Variants in PRDM16 observed in about 807,000 individuals in gnomAD.
PRDM16 encodes PR/SET domain 16.
A neutral mutation model predicts 110.6 loss-of-function variants in PRDM16; 23 were observed. The ratio of observed to expected loss-of-function variants is 0.21; its 90% CI spans 0.15 to 0.29. PRDM16 has a LOEUF of 0.29. Ranked by LOEUF, PRDM16 falls within the 10% of genes least tolerant of loss-of-function variation. The pLI, the probability that PRDM16 is intolerant of heterozygous loss-of-function variation, is 1.00. For synonymous variants in PRDM16, 799 were observed against 781.8 expected, an observed-to-expected ratio of 1.02 and a Z score of -0.37; for missense variants, 1,615 against 1,794.3, an observed-to-expected ratio of 0.90 and a Z score of 1.81.
rs368644287 is a variant in PRDM16 at position 3,357,225 on chromosome 1, G to A, written c.439-27927G>A. Among the ~76,000 whole-genome samples, 392 of 152,188 alleles carry A rather than the reference G, an allele frequency of 2.6e-3. 1 individual carries two copies. Among genetic ancestry groups the A allele is most frequent in the African/African-American group, 8.0e-3 (331 of 41,528 alleles). On this transcript the variant is annotated intron_variant, in intron 3 of 16. Transcript: ENST00000270722. Reference sequence around the variant, plus strand: ...CTGGCTCTTGGCCCCCAGGGTCTGCGTGCCTCCACCTGGGCCATGAACGGG... The same window carrying A: ...CTGGCTCTTGGCCCCCAGGGTCTGCATGCCTCCACCTGGGCCATGAACGGG...
intron 1 of PRDM16, among the ~76,000 whole-genome samples, chr1:3,098,968 G>T (rs1642470650): frequency 6.6e-6 from 1 of 152,228 alleles, no homozygotes; most frequent in Non-Finnish European, 1.5e-5. Context: ...CGGCCTCACT[G>T]AGGAGGGCGA....
At chr1:3,179,593 A>C (rs1456169631) in intron 1 of PRDM16, among the ~76,000 whole-genome samples, 1 of 152,216 alleles carries the variant, frequency 6.6e-6, no homozygotes, top group East Asian at 1.9e-4. Context: ...ATCAGGCAGC[A>C]TGAGGGAGAG....
At chr1:3,406,236 G>A (rs1402595565) in intron 8 of PRDM16, among the ~76,000 whole-genome samples, 1 of 152,124 alleles carries the variant, frequency 6.6e-6, no homozygotes, top group East Asian at 1.9e-4. Context: ...CACAGCTCTG[G>A]GTGCAGCGGT....
intron 3 of PRDM16, among the ~76,000 whole-genome samples, chr1:3,362,825 G>C (rs954666484): frequency 6.6e-6 from 1 of 152,128 alleles, no homozygotes; most frequent in Non-Finnish European, 1.5e-5. Flanking sequence ...AGGGAGCGTC[G>C]GGGAGCCATA....
At chr1:3,144,367 C>T (rs1643606440) in intron 1 of PRDM16, among the ~76,000 whole-genome samples, 1 of 152,220 alleles carries the variant, frequency 6.6e-6, no homozygotes, top group Admixed American at 6.5e-5. Flanking sequence ...ATCCCAGCTG[C>T]CCTGTCTGCA....
intron 2 of PRDM16, among the ~76,000 whole-genome samples, chr1:3,228,305 G>T (rs1362076944): frequency 6.6e-6 from 1 of 152,210 alleles, no homozygotes; most frequent in African/African-American, 2.4e-5. Flanking sequence ...ACCGTTTTCT[G>T]CCTGAACGTG....
intron 1 of PRDM16, among the ~76,000 whole-genome samples, chr1:3,096,338 C>T (rs1356774300): frequency 2.0e-5 from 3 of 152,182 alleles, no homozygotes; most frequent in Non-Finnish European, 4.4e-5. Flanking sequence ...CCCTTCCTCA[C>T]GTCTCCTGCC....
At position 3,244,878 on chromosome 1, in the gene PRDM16, C is replaced by T. The variant is rs963780885; in HGVS notation, c.438+741C>T. The stretch of plus-strand genomic sequence containing the variant: ...CTCCTCTTCGACGGGATATGCATTG[C>T]CTGCACGCACACACAGACGTCCACA... On this transcript the variant is annotated intron_variant, in intron 3 of 16. Transcript: ENST00000270722. This position sits in a 1 kb window ranked among gnomAD's most constrained non-coding sequence, Gnocchi z 4.1. Among the ~76,000 whole-genome samples, 1 of 152,220 alleles carries T rather than the reference C, an allele frequency of 6.6e-6. No homozygotes were observed. Among genetic ancestry groups the T allele is most frequent in the African/African-American group, 2.4e-5 (1 of 41,456 alleles).
Position 3,390,581 on chromosome 1 carries a change from G to A in PRDM16, c.573+5295G>A, listed in dbSNP as rs940859339. On this transcript the variant is annotated intron_variant, in intron 4 of 16. Transcript: ENST00000270722. This position sits in a 1 kb window ranked among gnomAD's most constrained non-coding sequence, Gnocchi z 5.0. ...GCATTGTGTTAGAAGAGTGGCCGCCGGTGGCCAGGCAGCACCGCGTGGACA... is the reference window on the plus strand; with the variant it reads ...GCATTGTGTTAGAAGAGTGGCCGCCAGTGGCCAGGCAGCACCGCGTGGACA... Among the ~76,000 whole-genome samples the A allele has an allele frequency of 2.6e-5, 4 of 152,140 alleles. No individual in the cohort carries two copies. The highest frequency in any genetic ancestry group is 9.7e-5 in the African/African-American group (4 of 41,442).
rs1329154669 is a variant in PRDM16 at position 3,265,313 on chromosome 1, T to C, written c.438+21176T>C. ...GAGCGGACAGGAATGCAGGTGTGGGTGGGAAGGGGCTGAAAACGGACAGGA... is the reference window on the plus strand; with the variant it reads ...GAGCGGACAGGAATGCAGGTGTGGGCGGGAAGGGGCTGAAAACGGACAGGA... On this transcript the variant is annotated intron_variant, in intron 3 of 16. Coordinates refer to ENST00000270722, the MANE Select transcript of PRDM16 (RefSeq NM_022114.4). This position sits in a 1 kb window ranked among gnomAD's most constrained non-coding sequence, Gnocchi z 4.5. Among the ~76,000 whole-genome samples the C allele has an allele frequency of 1.3e-5, 2 of 150,136 alleles. No individual in the cohort carries two copies. The highest frequency in any genetic ancestry group is 6.6e-5 in the Admixed American group (1 of 15,128).
At chr1:3,083,893 C>T (rs1014284635) in intron 1 of PRDM16, among the ~76,000 whole-genome samples, 4 of 152,198 alleles carry the variant, frequency 2.6e-5, no homozygotes, top group Admixed American at 6.5e-5. Context: ...TGCCCACACA[C>T]GCATGGAACA....
At chr1:3,348,059 G>T (rs1642397442) in intron 3 of PRDM16, among the ~76,000 whole-genome samples, 1 of 152,174 alleles carries the variant, frequency 6.6e-6, no homozygotes. Flanking sequence ...CCATGCCTCT[G>T]GTCGGAGCAC....
At chr1:3,202,573 G>C (rs1638656414) in intron 2 of PRDM16, among the ~76,000 whole-genome samples, 1 of 152,220 alleles carries the variant, frequency 6.6e-6, no homozygotes, top group East Asian at 1.9e-4. Flanking sequence ...GTCCCCTTAA[G>C]GGTCTGCAGG....
At chr1:3,280,535 G>T (rs540806560) in intron 3 of PRDM16, among the ~76,000 whole-genome samples, 1 of 152,168 alleles carries the variant, frequency 6.6e-6, no homozygotes. Flanking sequence ...AACAAGGTCC[G>T]TCCTTCCCAC....
chr1:3,121,519 T>G (rs1257133177), intron 1 of PRDM16, among the ~76,000 whole-genome samples: 2 of 152,142 alleles, frequency 1.3e-5, no homozygotes, highest in Admixed American at 6.5e-5. Flanking sequence ...CTGTGGAGAC[T>G]CCGAACGTCG....
chr1:3,415,696 C>T (rs964141361), intron 10 of PRDM16, among the ~76,000 whole-genome samples: 5 of 152,244 alleles, frequency 3.3e-5, no homozygotes, highest in African/African-American at 1.2e-4. Context: ...GGAAGGGAGC[C>T]CAGCGGGGGG....
chr1:3,110,541 C>T (rs2100638126), intron 1 of PRDM16, among the ~76,000 whole-genome samples: 1 of 151,950 alleles, frequency 6.6e-6, no homozygotes, highest in Non-Finnish European at 1.5e-5. Context: ...CAGGGGCTCC[C>T]CCATGTCCTG....
intron 2 of PRDM16, chr1:3,207,448 T>G (rs1339628091): frequency 6.6e-6 from 1 of 152,270 alleles, no homozygotes; most frequent in African/African-American, 2.4e-5. Flanking sequence ...CATTTGTGAC[T>G]AAGTCACCAG....
chr1:3,144,986 G>T (rs1488381814), intron 1 of PRDM16, among the ~76,000 whole-genome samples: 1 of 152,184 alleles, frequency 6.6e-6, no homozygotes, highest in Non-Finnish European at 1.5e-5. Context: ...GAGGTCACCT[G>T]AGCGAGAAAT....
Sources: gnomAD v4.1 joint callset for allele counts (sites outside exome capture counted in the v4.1 genomes callset) on GRCh38, gnomAD v4.1.1 for gene constraint, Gnocchi (gnomAD v3.1) non-coding constraint, MANE v1.5 for transcripts, NCBI Gene and HGNC (gene_info 2026-07-23, HGNC 2026-07-21) for gene names.